The following IL2RB variants were observed in gnomAD, a reference collection of about 807,000 sequenced individuals.
IL2RB encodes interleukin 2 receptor subunit beta.
Under a neutral mutation model 44.2 loss-of-function variants are expected in IL2RB, and 17 were observed. The ratio of observed to expected loss-of-function variants is 0.38; its 90% confidence interval spans 0.26 to 0.58. IL2RB has a LOEUF of 0.58. Among genes scored for constraint, IL2RB ranks in the 20% least tolerant of loss-of-function variants. The probability of loss-of-function intolerance (pLI) is 0.63; values close to 1 mark genes in which losing one functional copy is unlikely to be tolerated. For missense variants in IL2RB, 624 were observed against 685.5 expected, an observed-to-expected ratio of 0.91 and a Z score of 1.00; for synonymous variants, 286 against 297.9, an observed-to-expected ratio of 0.96 and a Z score of 0.41.
intron 1 of IL2RB, among the ~76,000 whole-genome samples, chr22:37,161,263 T>A (rs1177397086): frequency 6.6e-6 from 1 of 152,198 alleles, no homozygotes; most frequent in Non-Finnish European, 1.5e-5. Flanking sequence ...AGCGCCACTT[T>A]CAGAGGGAGG....
chr22:37,171,126 G>T (rs887742781), intron 1 of IL2RB, among the ~76,000 whole-genome samples: 3 of 152,158 alleles, frequency 2.0e-5, no homozygotes, highest in African/African-American at 7.2e-5. Flanking sequence ...TGGGACTACA[G>T]GCGCGGCCAC....
intron 1 of IL2RB, among the ~76,000 whole-genome samples, chr22:37,174,210 C>T (rs1208618576): frequency 1.3e-5 from 2 of 152,216 alleles, no homozygotes. Context: ...CTTGCCACAT[C>T]CATGAAACGG....
At chr22:37,163,233 C>T (rs755189109) in intron 1 of IL2RB, among the ~76,000 whole-genome samples, 1 of 152,186 alleles carries the variant, frequency 6.6e-6, no homozygotes, top group Non-Finnish European at 1.5e-5. Flanking sequence ...ACCAGCCGCA[C>T]CTGCAGCTGA....
At chr22:37,136,999 G>A (rs1223406610) in intron 6 of IL2RB, among the ~76,000 whole-genome samples, 1 of 152,146 alleles carries the variant, frequency 6.6e-6, no homozygotes, top group Admixed American at 6.5e-5. Context: ...TTGCCCCGTT[G>A]GGTTTTCTTG....
intron 8 of IL2RB, 96 bp downstream of exon 8, chr22:37,135,232 G>GTA: frequency 1.3e-6 from 1 of 791,076 alleles, no homozygotes; most frequent in Admixed American, 1.9e-5. Context: ...GTGTGTGTGT[G>GTA]TATGTGTGCT....
In IL2RB at chr22:37,141,887, G is replaced by A. The variant is rs1921984151; in HGVS notation, c.282+547C>T. Among the ~76,000 whole-genome samples the A allele has an allele frequency of 6.6e-6, 1 of 152,150 alleles. No homozygotes were observed. Among genetic ancestry groups the A allele is most frequent in the Non-Finnish European group, 1.5e-5 (1 of 68,008 alleles). On this transcript the variant is annotated intron_variant, in intron 4 of 9. Transcript: ENST00000216223. This position sits in a 1 kb window ranked among gnomAD's most constrained non-coding sequence, Gnocchi z 4.4. Reference sequence around the variant, plus strand: ...CCTGGTGAGGTCCCACCTTCAGGCTGGGGAGGGCCTGAAAAACAAGGCCCT... The same window carrying A: ...CCTGGTGAGGTCCCACCTTCAGGCTAGGGAGGGCCTGAAAAACAAGGCCCT...
rs537453378 is a variant in IL2RB at position 37,126,847 on chromosome 22, C to G, written c.*1249G>C. On this transcript the variant is annotated 3_prime_UTR_variant, in exon 10 of 10. Coordinates refer to ENST00000216223, the MANE Select transcript of IL2RB (RefSeq NM_000878.5). ...CTAATGGGCACGGGACTCTGCCTCT[C>G]TGTGTGAATGTCAGGCGCAGGGAGC... 1 of 152,458 alleles carries G rather than the reference C, an allele frequency of 6.6e-6. No homozygotes were observed. Among genetic ancestry groups the G allele is most frequent in the East Asian group, 1.9e-4 (1 of 5,184 alleles). The allele number at this position is 152,458 out of a possible 1,614,324, so 9.4% of individuals were successfully genotyped here.
In IL2RB at chr22:37,149,839, G is replaced by C; in HGVS notation, c.-48C>G. The stretch of plus-strand genomic sequence containing the variant: ...GGGGACATCACCTGGCTGAGACATG[G>C]GGCGGTGGCAGCGCGCGCTCTCCAG... On this transcript the variant is annotated 5_prime_UTR_variant, in exon 1 of 10. Transcript: ENST00000216223. 1.0e-6 allele frequency: 1 copy of C among 985,636 alleles called. No homozygotes were observed. Among genetic ancestry groups the C allele is most frequent in the Non-Finnish European group, 1.2e-6 (1 of 830,130 alleles). The allele number at this position is 985,636 out of a possible 1,614,324, so 61.1% of individuals were successfully genotyped here.
intron 3 of IL2RB, among the ~76,000 whole-genome samples, 179 bp downstream of exon 3, chr22:37,143,342 A>C (rs1047418082): frequency 6.6e-6 from 1 of 152,010 alleles, no homozygotes; most frequent in Non-Finnish European, 1.5e-5. Flanking sequence ...CTGACTCCCA[A>C]ATTCTCTTAA....
At chr22:37,168,599 T>G (rs1188562164) in intron 1 of IL2RB, among the ~76,000 whole-genome samples, 4 of 152,242 alleles carry the variant, frequency 2.6e-5, no homozygotes, top group African/African-American at 4.8e-5. Context: ...CATGAGATTG[T>G]GCACACAGAG....
rs759786293 is a variant in IL2RB at position 37,128,099 on chromosome 22, C to T, written c.1653G>A (p.Val551=). The T allele has an allele frequency of 6.4e-7, 1 of 1,558,424 alleles. No homozygotes were observed. The highest frequency in any genetic ancestry group is 1.2e-5 in the South Asian group (1 of 81,378). Residue 551 remains valine (V), a synonymous_variant, in exon 10 of 10, where the codon GTG becomes GTA. Transcript: ENST00000216223. This position sits in a 1 kb window ranked among gnomAD's most constrained non-coding sequence, Gnocchi z 4.5. ...ELQGQDPTHL[V] ...GCCTCCCACCCTGGCCATCTGTCTA[C>T]ACCAAGTGAGTTGGGTCCTGACCCT...
chr22:37,132,252 T>C (rs1291900458), intron 9 of IL2RB, 132 bp downstream of exon 9: 2 of 645,262 alleles, frequency 3.1e-6, no homozygotes, highest in East Asian at 2.8e-5. Context: ...AAGAGACCCA[T>C]GCACACCCCG....
intron 1 of IL2RB, among the ~76,000 whole-genome samples, chr22:37,146,134 A>C: frequency 1.3e-5 from 2 of 151,064 alleles, no homozygotes; most frequent in African/African-American, 2.4e-5. Flanking sequence ...GCCAGTCAGG[A>C]CTCTCCTCAG....
intron 6 of IL2RB, 74 bp from the exon 7 acceptor site, chr22:37,136,467 C>T: frequency 1.1e-5 from 13 of 1,163,746 alleles, no homozygotes; most frequent in Non-Finnish European, 1.2e-5. Context: ...CATCACAGAA[C>T]CCCCCCCCAA....
chr22:37,169,756 C>T (rs1026725662), intron 1 of IL2RB, among the ~76,000 whole-genome samples: 4 of 152,192 alleles, frequency 2.6e-5, no homozygotes, highest in Admixed American at 2.6e-4. Context: ...TCACATCCTC[C>T]GTGAAGCCTC....
Position 37,146,758 on chromosome 22 carries a change from G to A in IL2RB, c.-33-2553C>T, listed in dbSNP as rs189250089. On this transcript the variant is annotated intron_variant, in intron 1 of 9. Transcript: ENST00000216223. ...TGCTGAGCACAGGGCCGGGCACACA[G>A]TCGGTGCTCAATAAATGTAGTGAAA... is the stretch of plus-strand genomic sequence containing the variant. Among the ~76,000 whole-genome samples the A allele has an allele frequency of 5.7e-4, 87 of 152,256 alleles. 1 individual carries two copies. Among genetic ancestry groups the A allele is most frequent in the Admixed American group, 2.7e-3 (42 of 15,300 alleles).
At chr22:37,170,187 A>G (rs1369506811) in intron 1 of IL2RB, among the ~76,000 whole-genome samples, 1 of 152,164 alleles carries the variant, frequency 6.6e-6, no homozygotes, top group Non-Finnish European at 1.5e-5. Flanking sequence ...GGACAGAATA[A>G]TAAGACTCTT....
chr22:37,135,274 G>T, intron 8 of IL2RB, 54 bp downstream of exon 8: 1 of 1,151,368 alleles, frequency 8.7e-7, no homozygotes. Flanking sequence ...GTGTGCATGT[G>T]TGTGCACGTT....
chr22:37,165,977 T>C (rs1227658553), intron 1 of IL2RB, among the ~76,000 whole-genome samples: 3 of 152,228 alleles, frequency 2.0e-5, no homozygotes, highest in African/African-American at 4.8e-5. Flanking sequence ...CTGTCTGGTG[T>C]GCACGTGTGT....
Sources: allele counts gnomAD v4.1 joint callset (sites outside exome capture counted in the v4.1 genomes callset), GRCh38; gene constraint gnomAD v4.1.1; non-coding constraint Gnocchi (gnomAD v3.1); transcripts MANE v1.5; gene names NCBI Gene and HGNC (gene_info 2026-07-23, HGNC 2026-07-21).